Variants in ADPRM observed in about 807,000 individuals in gnomAD.
ADPRM encodes the protein manganese-dependent ADP-ribose/CDP-alcohol diphosphatase.
Under a neutral mutation model 27.2 loss-of-function variants are expected in ADPRM, and 17 were observed. That is an observed-to-expected ratio of 0.63 (90% confidence interval 0.43 to 0.94). The LOEUF (loss-of-function observed/expected upper bound fraction) is 0.94, where lower values mean the gene tolerates loss of function less well. ADPRM is among the 40% of genes least tolerant of loss of function. ADPRM has a pLI of 0.00. For synonymous variants in ADPRM, 135 were observed against 145.3 expected (o/e 0.93, Z 0.51); for missense variants, 337 against 412.8 (o/e 0.82, Z 1.59).
At chr17:10,709,152 C>T (rs2074833625) in intron 3 of ADPRM, among the ~76,000 whole-genome samples, 1 of 152,052 alleles carries the variant, frequency 6.6e-6, no homozygotes, top group Admixed American at 6.6e-5. Context: ...TTTGGCCGTG[C>T]AGTTGGAAGG....
In ADPRM at chr17:10,705,369, A is replaced by T; in HGVS notation, c.443A>T (p.Tyr148Phe). The T allele has an allele frequency of 6.2e-7, 1 of 1,614,002 alleles. No homozygotes were observed. Among genetic ancestry groups the T allele is most frequent in the Non-Finnish European group, 8.5e-7 (1 of 1,179,990 alleles). Residue 148 changes from tyrosine (Y) to phenylalanine (F), a missense_variant, in exon 2 of 4, where the codon TAT becomes TTT. Physicochemically the swap from Tyr to Phe is conservative, Grantham distance 22. Coordinates refer to ENST00000379774, the MANE Select transcript of ADPRM (RefSeq NM_020233.5). This position sits in a 1 kb window ranked among gnomAD's most constrained non-coding sequence, Gnocchi z 5.4. ...HPETMPSEDY[Y>F]AYHFVPFPKF... ...GAGACCATGCCTTCAGAAGATTATT[A>T]TGCTTATCATTTTGTACCATTCCCT...
chr17:10,701,935 C>A (rs540118726), intron 1 of ADPRM, among the ~76,000 whole-genome samples: 8 of 152,244 alleles, frequency 5.3e-5, no homozygotes, highest in Middle Eastern at 3.4e-3. Context: ...TCCCTGACCA[C>A]CTGGTTCTTT....
intron 3 of ADPRM, among the ~76,000 whole-genome samples, chr17:10,707,023 T>G (rs1037018409): frequency 6.6e-6 from 1 of 152,182 alleles, no homozygotes; most frequent in African/African-American, 2.4e-5. Context: ...TCCAGAAGTT[T>G]GGCTTTTTCT....
rs746840041 is a variant in ADPRM, at chr17:10,704,973, G to A, written c.47G>A (p.Arg16His). ...NPEALSDSSERLFSFGVIADV... is the reference protein window; with the variant it reads ...NPEALSDSSEHLFSFGVIADV... ...GAAGCCCTAAGTGACAGTTCAGAGC[G>A]TCTTTTCTCCTTTGGCGTCATCGCA... is the stretch of plus-strand genomic sequence containing the variant. The change falls in exon 2 of 4, where the codon CGT (arginine) becomes CAT (histidine). Residue 16 changes from arginine to histidine, a missense_variant. By Grantham distance (29) the Arg-to-His change is conservative. Coordinates refer to ENST00000379774, the MANE Select transcript of ADPRM (RefSeq NM_020233.5). 17 of 1,614,020 alleles carry A rather than the reference G, an allele frequency of 1.1e-5. No homozygotes were observed. Among genetic ancestry groups the A allele is most frequent in the East Asian group, 6.7e-5 (3 of 44,880 alleles).
At chr17:10,708,111 A>C (rs993943056) in intron 3 of ADPRM, among the ~76,000 whole-genome samples, 4 of 152,098 alleles carry the variant, frequency 2.6e-5, no homozygotes, top group African/African-American at 7.2e-5. Context: ...CAGTGTTCTC[A>C]GTAGTGTATC....
At chr17:10,709,558 CA>C (rs769284286) in intron 3 of ADPRM, among the ~76,000 whole-genome samples, 190 of 152,174 alleles carry the variant, frequency 1.2e-3, no homozygotes, top group Non-Finnish European at 2.3e-3. Context: ...CTGGGAGAAA[CA>C]GTGGTGTCCT....
At chr17:10,701,634 G>A (rs2662974) in intron 1 of ADPRM, among the ~76,000 whole-genome samples, 9,120 of 151,972 alleles carry the variant, frequency 0.06, 887 homozygotes, top group African/African-American at 0.2. Context: ...TGGCCTATAT[G>A]TACATTTTTA....
At chr17:10,709,480 G>C (rs981266330) in intron 3 of ADPRM, among the ~76,000 whole-genome samples, 3 of 152,108 alleles carry the variant, frequency 2.0e-5, no homozygotes, top group Admixed American at 2.0e-4. Context: ...GGGGAAATGA[G>C]GGGGAACCAG....
At chr17:10,704,510 T>TG (rs1383973475) in intron 1 of ADPRM, among the ~76,000 whole-genome samples, 1 of 150,726 alleles carries the variant, frequency 6.6e-6, no homozygotes, top group Non-Finnish European at 1.5e-5. Context: ...AAAAAAAACT[T>TG]GAAGTTTTGA....
rs1229060777 is a variant in ADPRM, at chr17:10,697,666, C to G, written c.-19C>G. 3 of 903,306 alleles carry G rather than the reference C, an allele frequency of 3.3e-6. No individual in the cohort carries two copies. The highest frequency in any genetic ancestry group is 1.6e-5 in the African/African-American group (1 of 60,882). 56.0% of individuals were successfully genotyped at this position (903,306 alleles called of 1,614,324 possible). ...GCCTTTCAGCCCAGGGGCCGGCGCACGGTAGGTAGTTCCCTGCGGCTGGAG... is the reference window on the plus strand; with the variant it reads ...GCCTTTCAGCCCAGGGGCCGGCGCAGGGTAGGTAGTTCCCTGCGGCTGGAG... On this transcript the variant is annotated splice_region_variant and 5_prime_UTR_variant, in exon 1 of 4. Transcript: ENST00000379774.
intron 3 of ADPRM, among the ~76,000 whole-genome samples, chr17:10,707,778 A>G (rs2074822850): frequency 6.6e-6 from 1 of 152,190 alleles, no homozygotes; most frequent in Non-Finnish European, 1.5e-5. Flanking sequence ...AGTCACAAGG[A>G]AGTTAGATTT....
Position 10,711,013 on chromosome 17 carries a change from A to G in ADPRM, c.898A>G (p.Ile300Val), listed in dbSNP as rs373978548. The G allele has an allele frequency of 2.5e-6, 4 of 1,614,200 alleles. No homozygotes were observed. In the South Asian group the frequency reaches 4.4e-5, roughly 18 times the overall value. ...GVYHVNLEGV[I>V]ETAPDSQAFG... is the part of the protein sequence containing the mutation. ...ATACCACGTCAACCTAGAAGGAGTT[A>G]TTGAAACAGCTCCAGACAGCCAAGC... Residue 300 changes from isoleucine to valine, a missense_variant, in exon 4 of 4, where the codon ATT becomes GTT. Transcript: ENST00000379774.
chr17:10,700,436 C>T (rs1332780113), intron 1 of ADPRM, among the ~76,000 whole-genome samples: 1 of 150,208 alleles, frequency 6.7e-6, no homozygotes, highest in East Asian at 2.0e-4. Context: ...TTGAGACCAG[C>T]CTGGGCAACA....
chr17:10,710,147 G>A (rs1212438440), intron 3 of ADPRM, among the ~76,000 whole-genome samples: 1 of 152,176 alleles, frequency 6.6e-6, no homozygotes, highest in Non-Finnish European at 1.5e-5. Context: ...TGTCACCCAG[G>A]CTGAAGTGTG....
At position 10,705,317 on chromosome 17, in the gene ADPRM, C is replaced by T; in HGVS notation, c.391C>T (p.Leu131=). 1.2e-6 allele frequency: 2 copies of T among 1,613,910 alleles called. No homozygotes were observed. The highest frequency in any genetic ancestry group is 1.7e-6 in the Non-Finnish European group (2 of 1,179,930). ...ACACTCTAAACTTAACACTAAGTTT[C>T]TAGAAGATCAGATTGTACATCATCC... The part of the protein sequence containing the change: ...LTHSKLNTKF[L]EDQIVHHPET... The change falls in exon 2 of 4, where the codon CTA becomes TTA. Residue 131 remains leucine, a synonymous_variant. Coordinates refer to ENST00000379774, the MANE Select transcript of ADPRM (RefSeq NM_020233.5). The surrounding 1 kb of genome is among the most constrained non-coding windows in gnomAD (Gnocchi z 5.4).
At position 10,697,650 on chromosome 17, in the gene ADPRM, C is replaced by A. The variant is rs1031111382; in HGVS notation, c.-35C>A. The A allele has an allele frequency of 3.8e-6, 4 of 1,055,324 alleles. No individual in the cohort carries two copies. The highest frequency in any genetic ancestry group is 5.7e-6 in the Non-Finnish European group (4 of 705,814). The allele number at this position is 1,055,324 out of a possible 1,614,324, so 65.4% of individuals were successfully genotyped here. ...TAGCCCGTAGTCAGAGGCCTTTCAG[C>A]CCAGGGGCCGGCGCACGGTAGGTAG... On this transcript the variant is annotated 5_prime_UTR_variant, in exon 1 of 4. Coordinates refer to ENST00000379774, the MANE Select transcript of ADPRM (RefSeq NM_020233.5).
chr17:10,704,822 C>A (rs1045130930), intron 1 of ADPRM, 88 bp from the exon 2 acceptor site: 3 of 1,173,378 alleles, frequency 2.6e-6, no homozygotes, highest in Admixed American at 4.8e-5. Context: ...AATGAATTAA[C>A]CTTTAACATT....
At chr17:10,701,709 TACTC>T (rs2074780314) in intron 1 of ADPRM, among the ~76,000 whole-genome samples, 1 of 152,238 alleles carries the variant, frequency 6.6e-6, no homozygotes, top group African/African-American at 2.4e-5. Context: ...AATTATCCTG[TACTC>T]ACTGATTTTT....
In ADPRM at chr17:10,711,258, T is replaced by A; in HGVS notation, c.*114T>A. The A allele has an allele frequency of 1.2e-6, 1 of 826,356 alleles. No individual in the cohort carries two copies. Among genetic ancestry groups the A allele is most frequent in the Non-Finnish European group, 1.8e-6 (1 of 542,376 alleles). 51.2% of individuals were successfully genotyped at this position (826,356 alleles called of 1,614,324 possible). ...ATTCAGCTTGCATAACAAAATGTAT[T>A]TATAGTTTCAGTGTGTGATGGTTGA... On this transcript the variant is annotated 3_prime_UTR_variant, in exon 4 of 4. Transcript: ENST00000379774.
Sources: gnomAD v4.1 joint callset for allele counts (sites outside exome capture counted in the v4.1 genomes callset) on GRCh38, gnomAD v4.1.1 for gene constraint, Gnocchi (gnomAD v3.1) non-coding constraint, MANE v1.5 for transcripts, NCBI Gene and HGNC (gene_info 2026-07-23, HGNC 2026-07-21) for gene names.